Variants in PDLIM3 observed in about 807,000 individuals in gnomAD.
The protein encoded by PDLIM3 is PDZ and LIM domain protein 3.
PDLIM3 carries 36 observed loss-of-function variants against 37.3 expected under a neutral mutation model. The observed-to-expected ratio is 0.97, with a 90% CI of 0.74 to 1.28. The LOEUF (loss-of-function observed/expected upper bound fraction) is 1.28, where lower values mean the gene tolerates loss of function less well. Ranked by LOEUF, PDLIM3 falls within the 50% of genes most tolerant of loss-of-function variation. PDLIM3 has a pLI of 0.00. For synonymous variants in PDLIM3, 174 were observed against 182.4 expected (o/e 0.95, Z 0.37); for missense variants, 454 against 485.0 (o/e 0.94, Z 0.60).
intron 3 of PDLIM3, among the ~76,000 whole-genome samples, chr4:185,519,535 C>T (rs1469345994): frequency 6.6e-6 from 1 of 152,220 alleles, no homozygotes; most frequent in Non-Finnish European, 1.5e-5. Flanking sequence ...GATCCACCTG[C>T]CTCGGCCTCC....
intron 4 of PDLIM3, among the ~76,000 whole-genome samples, chr4:185,511,517 T>G (rs766804844): frequency 1.3e-5 from 2 of 152,132 alleles, no homozygotes; most frequent in Admixed American, 6.5e-5. Context: ...TGTGCCACCA[T>G]GCCCAGCTAA....
chr4:185,506,423 T>C, intron 6 of PDLIM3, 99 bp downstream of exon 6: 2 of 1,514,750 alleles, frequency 1.3e-6, no homozygotes, highest in Non-Finnish European at 1.8e-6. Flanking sequence ...GAAAACCAAG[T>C]TTTAGACTTT....
intron 1 of PDLIM3, among the ~76,000 whole-genome samples, chr4:185,526,157 C>T (rs1312847255): frequency 6.6e-6 from 1 of 152,218 alleles, no homozygotes; most frequent in Non-Finnish European, 1.5e-5. Flanking sequence ...CCCATACTAG[C>T]TGTTATGAAG....
intron 6 of PDLIM3, among the ~76,000 whole-genome samples, chr4:185,505,064 T>C (rs6819358): frequency 0.8 from 121,336 of 152,124 alleles, 49,097 homozygotes; most frequent in Non-Finnish European, 0.87. Flanking sequence ...CTGGTAACTT[T>C]CATTCTACTT....
intron 1 of PDLIM3, among the ~76,000 whole-genome samples, chr4:185,533,263 A>G (rs2095747868): frequency 6.6e-6 from 1 of 152,222 alleles, no homozygotes; most frequent in Admixed American, 6.5e-5. Context: ...TGTTAAAAGC[A>G]GTACAACAAT....
intron 4 of PDLIM3, chr4:185,513,493 GTTCT>G (rs1382942810): frequency 5.8e-5 from 56 of 962,104 alleles, no homozygotes; most frequent in Non-Finnish European, 6.7e-5. Flanking sequence ...GAGTTTAAAT[GTTCT>G]GTCTAAAGGC....
chr4:185,506,239 A>C (rs1462842649), intron 6 of PDLIM3, among the ~76,000 whole-genome samples: 9 of 152,186 alleles, frequency 5.9e-5, no homozygotes, highest in Admixed American at 5.9e-4. Context: ...TTAAAATGAT[A>C]TCTCATGATT....
rs115578920 is a variant in PDLIM3 at position 185,527,735 on chromosome 4, G to C, written c.94-2564C>G. 8.4e-3 allele frequency among the ~76,000 whole-genome samples: 1,276 copies of C among 152,118 alleles called. 28 individuals carry two copies. Among genetic ancestry groups the C allele is most frequent in the African/African-American group, 0.029 (1,202 of 41,494 alleles). On this transcript the variant is annotated intron_variant, in intron 1 of 7. Coordinates refer to ENST00000284767, the MANE Select transcript of PDLIM3 (RefSeq NM_014476.6). ...GTATTTTCTATTTTTAAATGTCTAAGACTAGAATAATTTTCTTTGAGTTAA... is the reference window on the plus strand; with the variant it reads ...GTATTTTCTATTTTTAAATGTCTAACACTAGAATAATTTTCTTTGAGTTAA...
intron 4 of PDLIM3, among the ~76,000 whole-genome samples, chr4:185,511,273 G>C (rs1281164655): frequency 6.6e-6 from 1 of 151,984 alleles, no homozygotes; most frequent in Non-Finnish European, 1.5e-5. Flanking sequence ...CTTTTAAAAG[G>C]CTTCAGTTAT....
intron 6 of PDLIM3, among the ~76,000 whole-genome samples, chr4:185,505,591 G>A (rs1306904031): frequency 1.3e-5 from 2 of 150,742 alleles, no homozygotes; most frequent in African/African-American, 4.9e-5. Context: ...ACTCACTCTA[G>A]CCTGGGCAAC....
intron 6 of PDLIM3, among the ~76,000 whole-genome samples, 199 bp downstream of exon 6, chr4:185,506,323 G>C (rs2095697032): frequency 6.6e-6 from 1 of 152,098 alleles, no homozygotes; most frequent in Non-Finnish European, 1.5e-5. Context: ...TCACTTGGTG[G>C]CTACTTGGAC....
intron 1 of PDLIM3, among the ~76,000 whole-genome samples, chr4:185,528,794 CATG>C (rs2095738754): frequency 6.6e-6 from 1 of 152,208 alleles, no homozygotes; most frequent in Non-Finnish European, 1.5e-5. Context: ...AAGGAGAAAA[CATG>C]ATGTCTTTAC....
At chr4:185,531,405 C>G (rs2095744214) in intron 1 of PDLIM3, among the ~76,000 whole-genome samples, 1 of 152,220 alleles carries the variant, frequency 6.6e-6, no homozygotes, top group Non-Finnish European at 1.5e-5. Context: ...TTTATCACAA[C>G]CAGTTGCTAA....
In PDLIM3 at chr4:185,501,062, T is replaced by C. The variant is rs1391559883; in HGVS notation, c.*1232A>G. 1 of 152,030 alleles carries C rather than the reference T, an allele frequency of 6.6e-6. No individual in the cohort carries two copies. Among genetic ancestry groups the C allele is most frequent in the Non-Finnish European group, 1.5e-5 (1 of 68,050 alleles). The allele number at this position is 152,030 out of a possible 1,614,324, so 9.4% of individuals were successfully genotyped here. A position where few individuals can be genotyped will look rare whatever the true frequency, so the allele number is the denominator to read the frequency against. Reference sequence around the variant, plus strand: ...CCCAGTGGGGGACATGGAAAGTAGGTGAGAGATGCAAGTCAGGAGCATTGC... The same window carrying C: ...CCCAGTGGGGGACATGGAAAGTAGGCGAGAGATGCAAGTCAGGAGCATTGC... On this transcript the variant is annotated 3_prime_UTR_variant, in exon 8 of 8. Coordinates refer to ENST00000284767, the MANE Select transcript of PDLIM3 (RefSeq NM_014476.6).
Position 185,514,082 on chromosome 4 carries a change from T to A in PDLIM3, c.398+188A>T. The stretch of plus-strand genomic sequence containing the variant: ...ACAGCTCTGTCATCTTGTCAATATT[T>A]ACTCTTGGAAATGCAAGTTATTTGG... On this transcript the variant is annotated intron_variant, in intron 4 of 7. Transcript: ENST00000284767. The surrounding 1 kb of genome is among the most constrained non-coding windows in gnomAD (Gnocchi z 4.0). 6.7e-7 allele frequency: 1 copy of A among 1,487,074 alleles called. No individual in the cohort carries two copies. The highest frequency in any genetic ancestry group is 8.9e-7 in the Non-Finnish European group (1 of 1,123,082). 92.1% of individuals were successfully genotyped at this position (1,487,074 alleles called of 1,614,324 possible). A position where few individuals can be genotyped will look rare whatever the true frequency, so the allele number is the denominator to read the frequency against.
intron 1 of PDLIM3, among the ~76,000 whole-genome samples, chr4:185,531,077 T>A (rs894924648): frequency 6.6e-6 from 1 of 152,092 alleles, no homozygotes; most frequent in Non-Finnish European, 1.5e-5. Context: ...GGTCTTGGAA[T>A]GTGTCCCCTG....
intron 3 of PDLIM3, chr4:185,515,647 C>A: frequency 6.6e-6 from 1 of 152,080 alleles, no homozygotes; most frequent in Non-Finnish European, 1.5e-5. Context: ...GTATGGTTCA[C>A]AGGAGGATTT....
Position 185,501,893 on chromosome 4 carries a change from T to A in PDLIM3, c.*401A>T. ...CACATACAGACAACTGCAGATTATG[T>A]TAGAATACAAGATTGTTATTTGCTA... On this transcript the variant is annotated 3_prime_UTR_variant, in exon 8 of 8. Transcript: ENST00000284767. The A allele has an allele frequency of 3.3e-6, 1 of 301,186 alleles. No individual in the cohort carries two copies. Among genetic ancestry groups the A allele is most frequent in the Non-Finnish European group, 6.4e-6 (1 of 155,288 alleles). 18.7% of individuals were successfully genotyped at this position (301,186 alleles called of 1,614,324 possible).
At chr4:185,532,673 A>G (rs1271264651) in intron 1 of PDLIM3, among the ~76,000 whole-genome samples, 1 of 152,218 alleles carries the variant, frequency 6.6e-6, no homozygotes, top group East Asian at 1.9e-4. Flanking sequence ...GGGATAGGAG[A>G]TGGTGAAAAG....
Sources: gnomAD v4.1 joint callset for allele counts (sites outside exome capture counted in the v4.1 genomes callset) on GRCh38, gnomAD v4.1.1 for gene constraint, Gnocchi (gnomAD v3.1) non-coding constraint, MANE v1.5 for transcripts, NCBI Gene and HGNC (gene_info 2026-07-23, HGNC 2026-07-21) for gene names.